OSBPL10: variants seen among roughly 807,000 people sequenced by gnomAD.
The protein encoded by OSBPL10 is oxysterol-binding protein-related protein 10.
Under a neutral mutation model 81.7 loss-of-function variants are expected in OSBPL10, and 49 were observed. The observed-to-expected ratio is 0.60, with a 90% CI of 0.48 to 0.76. OSBPL10 has a LOEUF of 0.76. Among genes scored for constraint, OSBPL10 ranks in the 30% least tolerant of loss-of-function variants. The pLI is 0.00. For synonymous variants in OSBPL10, 419 were observed against 383.6 expected (o/e 1.09, Z -1.08); for missense variants, 923 against 987.8 (o/e 0.93, Z 0.88).
intron 5 of OSBPL10, among the ~76,000 whole-genome samples, chr3:31,746,951 G>A (rs1697545397): frequency 6.6e-6 from 1 of 152,068 alleles, no homozygotes; most frequent in Non-Finnish European, 1.5e-5. Context: ...TTGTGCACAT[G>A]TACCCTCAAA....
chr3:31,732,759 C>T (rs555960715), intron 6 of OSBPL10: 31 of 174,720 alleles, frequency 1.8e-4, no homozygotes, highest in Admixed American at 1.4e-3. Context: ...TGCATATCCT[C>T]GGCAGCCTGA....
chr3:31,665,312 C>G (rs958033632), intron 10 of OSBPL10, among the ~76,000 whole-genome samples: 1 of 152,196 alleles, frequency 6.6e-6, no homozygotes, highest in African/African-American at 2.4e-5. Flanking sequence ...AAGGAACTGT[C>G]CGAATGCCAG....
intron 1 of OSBPL10, among the ~76,000 whole-genome samples, chr3:31,909,819 T>C (rs1026044300): frequency 1.3e-5 from 2 of 152,084 alleles, no homozygotes; most frequent in African/African-American, 4.8e-5. Context: ...CCACTCTGAG[T>C]AGCAGCTTTG....
intron 4 of OSBPL10, among the ~76,000 whole-genome samples, chr3:31,827,411 C>G (rs976208697): frequency 6.6e-6 from 1 of 152,006 alleles, no homozygotes; most frequent in Non-Finnish European, 1.5e-5. Context: ...CTGAGGTGGG[C>G]GGATCACGAG....
chr3:31,880,411 C>T (rs759337948), intron 1 of OSBPL10, among the ~76,000 whole-genome samples: 1 of 152,176 alleles, frequency 6.6e-6, no homozygotes, highest in East Asian at 1.9e-4. Context: ...TGCTCTGGGA[C>T]GTTGAAATGC....
intron 4 of OSBPL10, among the ~76,000 whole-genome samples, chr3:31,756,844 C>T (rs1697903579): frequency 6.6e-6 from 1 of 152,116 alleles, no homozygotes; most frequent in Non-Finnish European, 1.5e-5. Context: ...CATTTTAAAT[C>T]TTAAATGTTA....
chr3:31,809,869 C>CTTT (rs34795137), intron 4 of OSBPL10, among the ~76,000 whole-genome samples: 3,794 of 98,576 alleles, frequency 0.038, 149 homozygotes, highest in Middle Eastern at 0.069. Context: ...CCCCCTGACT[C>CTTT]TTTTTTTTTT....
At chr3:32,023,632 T>C (rs987200614) in intron 2 of OSBPL10, among the ~76,000 whole-genome samples, 36 of 152,112 alleles carry the variant, frequency 2.4e-4, no homozygotes, top group African/African-American at 8.7e-4. Flanking sequence ...AGACTATACT[T>C]CCCCTACAAA....
At chr3:31,905,499 G>A (rs866519598) in intron 1 of OSBPL10, among the ~76,000 whole-genome samples, 5 of 151,760 alleles carry the variant, frequency 3.3e-5, no homozygotes, top group East Asian at 1.9e-4. Flanking sequence ...ACAGACATGC[G>A]CTACCACACC....
intron 1 of OSBPL10, among the ~76,000 whole-genome samples, chr3:31,939,456 T>TAAA (rs1191637557): frequency 4.2e-5 from 6 of 141,422 alleles, no homozygotes; most frequent in Non-Finnish European, 9.3e-5. Flanking sequence ...TCTTTCATCT[T>TAAA]AAAAAAAAAA....
intron 4 of OSBPL10, among the ~76,000 whole-genome samples, chr3:31,809,869 C>CTT (rs34795137): frequency 0.019 from 1,855 of 98,562 alleles, 102 homozygotes; most frequent in African/African-American, 0.069. Flanking sequence ...CCCCCTGACT[C>CTT]TTTTTTTTTT....
Position 31,879,641 on chromosome 3 carries a change from G to A in OSBPL10, c.457+14C>T, listed in dbSNP as rs781299808. The stretch of plus-strand genomic sequence containing the variant: ...TAGAGGCCTGTCTGAAAAGTTACTG[G>A]GAGAAGAACGCACCTCTCAGTTTAA... On this transcript the variant is annotated intron_variant, in intron 2 of 11. Coordinates refer to ENST00000396556, the MANE Select transcript of OSBPL10 (RefSeq NM_017784.5). 2.4e-5 allele frequency: 39 copies of A among 1,595,718 alleles called. 1 individual carries two copies. The East Asian group carries it at 8.5e-4, about 35-fold the overall frequency.
At chr3:31,803,033 C>G (rs1359256119) in intron 4 of OSBPL10, among the ~76,000 whole-genome samples, 3 of 137,104 alleles carry the variant, frequency 2.2e-5, no homozygotes, top group Admixed American at 1.5e-4. Context: ...CTGTTCTAGT[C>G]TACAAAGTGG....
intron 3 of OSBPL10, among the ~76,000 whole-genome samples, chr3:31,869,257 A>G (rs1321014307): frequency 1.3e-5 from 2 of 152,270 alleles, no homozygotes; most frequent in Admixed American, 6.5e-5. Flanking sequence ...TGCTCAATAC[A>G]TCATTGGCAG....
At chr3:31,977,658 T>C (rs146958087) in intron 1 of OSBPL10, among the ~76,000 whole-genome samples, 2 of 152,332 alleles carry the variant, frequency 1.3e-5, no homozygotes, top group East Asian at 1.9e-4. Flanking sequence ...TTCCTGCAAA[T>C]ACTTGCTTTA....
chr3:31,769,803 C>T (rs1698321783), intron 4 of OSBPL10, among the ~76,000 whole-genome samples: 3 of 151,944 alleles, frequency 2.0e-5, no homozygotes, highest in African/African-American at 7.3e-5. Flanking sequence ...ACCAGATTTC[C>T]CAGCAAATGC....
At chr3:31,866,122 C>T (rs980179653) in intron 3 of OSBPL10, among the ~76,000 whole-genome samples, 4 of 152,310 alleles carry the variant, frequency 2.6e-5, no homozygotes, top group African/African-American at 9.6e-5. Context: ...CTTTCACCAT[C>T]AGAAACCTAG....
chr3:31,836,413 G>GA (rs1406099080), intron 3 of OSBPL10, among the ~76,000 whole-genome samples: 1 of 152,118 alleles, frequency 6.6e-6, no homozygotes, highest in Non-Finnish European at 1.5e-5. Flanking sequence ...CCAGATTTCT[G>GA]AAAAATTGTC....
intron 9 of OSBPL10, among the ~76,000 whole-genome samples, chr3:31,670,239 T>A (rs547423985): frequency 1.3e-5 from 2 of 152,364 alleles, no homozygotes; most frequent in East Asian, 3.9e-4. Flanking sequence ...TTGTACAGTA[T>A]ATCTTGCTTA....
Sources: allele counts gnomAD v4.1 joint callset (sites outside exome capture counted in the v4.1 genomes callset), GRCh38; gene constraint gnomAD v4.1.1; transcripts MANE v1.5; gene names NCBI Gene and HGNC (gene_info 2026-07-23, HGNC 2026-07-21).